Variants in GLI2 observed in about 807,000 individuals in gnomAD.
GLI2 encodes the protein transcription activator GLI2.
GLI2 carries 22 observed loss-of-function variants against 78.9 expected under a neutral mutation model. That is an observed-to-expected ratio of 0.28 (90% CI 0.20 to 0.40). The LOEUF is 0.40. Among genes scored for constraint, GLI2 ranks in the 10% least tolerant of loss-of-function variants. The pLI, the probability that GLI2 is intolerant of heterozygous loss-of-function variation, is 1.00. For synonymous variants in GLI2, 974 were observed against 963.7 expected, an observed-to-expected ratio of 1.01 and a Z score of -0.20; for missense variants, 2,097 against 2,213.2, an observed-to-expected ratio of 0.95 and a Z score of 1.05.
At chr2:120,962,029 G>T (rs575612619) in intron 5 of GLI2, among the ~76,000 whole-genome samples, 1 of 152,224 alleles carries the variant, frequency 6.6e-6, no homozygotes, top group South Asian at 2.1e-4. Flanking sequence ...GCCGTGGGGG[G>T]ATCCCCAGCC....
chr2:120,760,081 CCCCGGCCTCCCT>C (rs1377020753), intron 1 of GLI2, among the ~76,000 whole-genome samples: 3 of 152,220 alleles, frequency 2.0e-5, no homozygotes, highest in African/African-American at 7.2e-5. Flanking sequence ...CAGTAGCATC[CCCCGGCCTCCCT>C]CCCTGCAGTG....
chr2:120,788,142 G>A (rs977457735), intron 1 of GLI2, among the ~76,000 whole-genome samples: 5 of 152,238 alleles, frequency 3.3e-5, no homozygotes, highest in Non-Finnish European at 7.3e-5. Context: ...TTAGGGAGAA[G>A]TTGATTCTTG....
chr2:120,928,042 A>G (rs1030675265), intron 3 of GLI2, among the ~76,000 whole-genome samples: 6 of 152,052 alleles, frequency 3.9e-5, no homozygotes, highest in Non-Finnish European at 7.4e-5. Flanking sequence ...CTCTAAGCCC[A>G]TTGGCTGGTG....
chr2:120,956,634 CA>C (rs944617398), intron 5 of GLI2, among the ~76,000 whole-genome samples: 1 of 152,118 alleles, frequency 6.6e-6, no homozygotes, highest in Non-Finnish European at 1.5e-5. Context: ...AGGGAACAGG[CA>C]GGCACCTCCT....
chr2:120,817,223 C>T (rs1685535428), intron 2 of GLI2, among the ~76,000 whole-genome samples: 1 of 152,228 alleles, frequency 6.6e-6, no homozygotes, highest in Admixed American at 6.5e-5. Context: ...CCAGCCCTCA[C>T]CCGGAACCAC....
chr2:120,982,348 G>A (rs979630712), intron 10 of GLI2, among the ~76,000 whole-genome samples: 1 of 152,202 alleles, frequency 6.6e-6, no homozygotes. Flanking sequence ...CAAAGTCATA[G>A]TTTAGAGTTT....
chr2:120,990,898 C>T lies in GLI2; in HGVS notation c.*223C>T, dbSNP rs535784524. 3.3e-4 allele frequency: 190 copies of T among 572,880 alleles called. 1 individual carries two copies. Among genetic ancestry groups the T allele is most frequent in the African/African-American group, 3.2e-3 (170 of 53,612 alleles). 35.5% of individuals were successfully genotyped at this position (572,880 alleles called of 1,614,324 possible). On this transcript the variant is annotated 3_prime_UTR_variant, in exon 14 of 14. Transcript: ENST00000361492. ...AACAATGAAAAAAGTCTCCATAGGACAGGAAGGAATGCAAAACTCATTTAC... is the reference window on the plus strand; with the variant it reads ...AACAATGAAAAAAGTCTCCATAGGATAGGAAGGAATGCAAAACTCATTTAC...
intron 1 of GLI2, among the ~76,000 whole-genome samples, chr2:120,752,594 A>G (rs987328932): frequency 6.6e-6 from 1 of 152,096 alleles, no homozygotes; most frequent in East Asian, 1.9e-4. Context: ...ATTTATACTT[A>G]TTTATTGAAT....
chr2:120,970,364 C>T (rs1682080754), intron 6 of GLI2, 29 bp from the exon 7 acceptor site: 1 of 1,265,856 alleles, frequency 7.9e-7, no homozygotes. Context: ...ATCCCCCACC[C>T]CCACTTCCTT....
chr2:120,881,663 AGTGTGGGGACGGCAG>A, intron 2 of GLI2, among the ~76,000 whole-genome samples: 1 of 46,288 alleles, frequency 2.2e-5, no homozygotes, highest in Admixed American at 2.5e-4. Flanking sequence ...GGGGGAGGAC[AGTGTGGGGACGGCAG>A]GTGGGGGGAG....
chr2:120,932,299 C>T lies in GLI2; in HGVS notation c.254+4833C>T, dbSNP rs140696164. On this transcript the variant is annotated intron_variant, in intron 3 of 13. Transcript: ENST00000361492. ...GAGCCTGCTGCCCTGAGCTGGTGAC[C>T]ATTTCGTGGGTGTGCCCGCCCCTCA... 3.4e-3 allele frequency among the ~76,000 whole-genome samples: 520 copies of T among 152,270 alleles called. 4 individuals carry two copies. Among genetic ancestry groups the T allele is most frequent in the African/African-American group, 0.011 (465 of 41,536 alleles).
chr2:120,947,432 C>G (rs1680764426), intron 3 of GLI2, among the ~76,000 whole-genome samples: 1 of 152,200 alleles, frequency 6.6e-6, no homozygotes, highest in Admixed American at 6.5e-5. Flanking sequence ...TCAGCCCTAC[C>G]CTGGGGAGAT....
At chr2:120,792,429 A>G (rs577278108) in intron 1 of GLI2, 1 of 152,364 alleles carries the variant, frequency 6.6e-6, no homozygotes, top group South Asian at 2.1e-4. Context: ...CCGACACATC[A>G]AAGAGCAAGG....
intron 2 of GLI2, among the ~76,000 whole-genome samples, chr2:120,925,292 T>A (rs961311230): frequency 3.9e-5 from 6 of 152,306 alleles, no homozygotes; most frequent in South Asian, 4.1e-4. Context: ...TTTTTCCTGG[T>A]CCCCATGGAA....
intron 2 of GLI2, among the ~76,000 whole-genome samples, chr2:120,817,276 A>G (rs1196293760): frequency 6.6e-6 from 1 of 152,208 alleles, no homozygotes; most frequent in Non-Finnish European, 1.5e-5. Context: ...TGGCCTCGGT[A>G]TGAAGCCACC....
Position 120,754,369 on chromosome 2 carries a change from C to T in GLI2, c.-31+18084C>T, listed in dbSNP as rs568078147. 2.0e-5 allele frequency among the ~76,000 whole-genome samples: 3 copies of T among 152,202 alleles called. No homozygotes were observed. The East Asian group carries it at 5.8e-4, about 29-fold the overall frequency. On this transcript the variant is annotated intron_variant, in intron 1 of 13. Coordinates refer to ENST00000361492, the MANE Select transcript of GLI2 (RefSeq NM_001374353.1). The stretch of plus-strand genomic sequence containing the variant: ...TTGACTCGTGTGTGCAAACCATCAC[C>T]ATAATCAAGATAATGGACATATCCA...
intron 3 of GLI2, among the ~76,000 whole-genome samples, chr2:120,941,444 C>A (rs1396020760): frequency 2.0e-5 from 3 of 152,126 alleles, no homozygotes; most frequent in Non-Finnish European, 4.4e-5. Context: ...TCCAGAGGAG[C>A]GTTCTGGAGC....
chr2:120,833,080 C>T (rs1469639947), intron 2 of GLI2, among the ~76,000 whole-genome samples: 1 of 152,022 alleles, frequency 6.6e-6, no homozygotes, highest in African/African-American at 2.4e-5. Flanking sequence ...GACTCTTCCT[C>T]TCCCAGCCCA....
At chr2:120,876,246 G>A (rs1053966140) in intron 2 of GLI2, among the ~76,000 whole-genome samples, 2 of 152,200 alleles carry the variant, frequency 1.3e-5, no homozygotes, top group African/African-American at 4.8e-5. Flanking sequence ...GGAGGCTGAG[G>A]CGGGAGAGTG....
Sources: gnomAD v4.1 joint callset for allele counts (sites outside exome capture counted in the v4.1 genomes callset) on GRCh38, gnomAD v4.1.1 for gene constraint, MANE v1.5 for transcripts, NCBI Gene and HGNC (gene_info 2026-07-23, HGNC 2026-07-21) for gene names.